The following FBXL17 variants were observed in gnomAD, a reference collection of about 807,000 sequenced individuals.
FBXL17 encodes the protein F-box/LRR-repeat protein 17.
A neutral mutation model predicts 66.2 loss-of-function variants in FBXL17; 22 were observed. The observed-to-expected ratio is 0.33, with a 90% CI of 0.24 to 0.47. The LOEUF (loss-of-function observed/expected upper bound fraction) is 0.47. Ranked by LOEUF, FBXL17 falls within the 20% of genes least tolerant of loss-of-function variation. The pLI, the probability that FBXL17 is intolerant of heterozygous loss-of-function variation, is 1.00. For missense variants in FBXL17, 878 were observed against 948.2 expected (o/e 0.93, Z 0.97); for synonymous variants, 474 against 400.5 (o/e 1.18, Z -2.19).
intron 4 of FBXL17, among the ~76,000 whole-genome samples, chr5:108,249,836 G>C (rs548067557): frequency 1.3e-5 from 2 of 152,186 alleles, no homozygotes; most frequent in African/African-American, 2.4e-5. Flanking sequence ...TGCACACTAG[G>C]AAAGTCCTGC....
intron 4 of FBXL17, among the ~76,000 whole-genome samples, chr5:108,272,703 G>A (rs1446850933): frequency 4.6e-5 from 7 of 151,904 alleles, no homozygotes; most frequent in Non-Finnish European, 1.0e-4. Context: ...CCAATAAAAC[G>A]GTTTCTCATT....
At chr5:107,925,059 C>G (rs1364130099) in intron 7 of FBXL17, among the ~76,000 whole-genome samples, 2 of 152,066 alleles carry the variant, frequency 1.3e-5, no homozygotes, top group Non-Finnish European at 2.9e-5. Context: ...AGTGCTTCAG[C>G]AACTAAAAAA....
chr5:107,958,828 A>ACATCCCC (rs1751772803), intron 7 of FBXL17, among the ~76,000 whole-genome samples: 1 of 152,234 alleles, frequency 6.6e-6, no homozygotes, highest in Non-Finnish European at 1.5e-5. Context: ...ATTCGAAATT[A>ACATCCCC]AATGGAAAAT....
chr5:107,963,061 A>C (rs546344567), intron 7 of FBXL17, among the ~76,000 whole-genome samples: 7 of 152,304 alleles, frequency 4.6e-5, no homozygotes, highest in African/African-American at 1.7e-4. Flanking sequence ...TGGAGGTGCT[A>C]ATCTCATACT....
At chr5:107,922,731 A>G (rs1221210812) in intron 7 of FBXL17, among the ~76,000 whole-genome samples, 1 of 152,202 alleles carries the variant, frequency 6.6e-6, no homozygotes, top group African/African-American at 2.4e-5. Context: ...GTCAAATAAG[A>G]AACCAGAGTG....
At chr5:108,257,983 T>G (rs1425399810) in intron 4 of FBXL17, among the ~76,000 whole-genome samples, 1 of 152,096 alleles carries the variant, frequency 6.6e-6, no homozygotes, top group African/African-American at 2.4e-5. Flanking sequence ...TTAAGGATGC[T>G]GAGGCAGGCG....
At chr5:107,908,259 G>A (rs1749828782) in intron 7 of FBXL17, among the ~76,000 whole-genome samples, 2 of 152,266 alleles carry the variant, frequency 1.3e-5, no homozygotes, top group South Asian at 4.1e-4. Flanking sequence ...TAATTCTGAT[G>A]TATTTTGGTT....
intron 4 of FBXL17, among the ~76,000 whole-genome samples, chr5:108,265,226 T>C (rs752044329): frequency 1.3e-5 from 2 of 152,154 alleles, no homozygotes; most frequent in East Asian, 3.8e-4. Context: ...AAATACTTTA[T>C]CAGTCATTCT....
chr5:108,220,961 T>A (rs1454696230), intron 5 of FBXL17, among the ~76,000 whole-genome samples: 2 of 152,204 alleles, frequency 1.3e-5, no homozygotes, highest in Non-Finnish European at 2.9e-5. Flanking sequence ...ACCTCAAAAA[T>A]TCTTATCTTT....
At position 107,861,686 on chromosome 5, in the gene FBXL17, G is replaced by A. The variant is rs770163016; in HGVS notation, c.*34C>T. 1 of 1,525,588 alleles carries A rather than the reference G, an allele frequency of 6.6e-7. No individual in the cohort carries two copies. Among genetic ancestry groups the A allele is most frequent in the Non-Finnish European group, 8.8e-7 (1 of 1,131,662 alleles). The allele number at this position is 1,525,588 out of a possible 1,614,324, so 94.5% of individuals were successfully genotyped here. ...ATGTACAATTCTCCTCTGCTCTGCT[G>A]AATGATCCCAGTGGACTAGGCGAGG... On this transcript the variant is annotated 3_prime_UTR_variant, in exon 9 of 9. Transcript: ENST00000542267.
At chr5:108,157,695 A>C (rs566103108) in intron 6 of FBXL17, among the ~76,000 whole-genome samples, 1 of 152,128 alleles carries the variant, frequency 6.6e-6, no homozygotes, top group African/African-American at 2.4e-5. Flanking sequence ...ATTTTAAGAA[A>C]TATAAATACT....
chr5:108,037,423 T>C (rs1399085327), intron 6 of FBXL17, among the ~76,000 whole-genome samples: 1 of 152,216 alleles, frequency 6.6e-6, no homozygotes, highest in African/African-American at 2.4e-5. Flanking sequence ...TGCTAGCGAT[T>C]ATTTTCAAAG....
intron 5 of FBXL17, among the ~76,000 whole-genome samples, chr5:108,219,649 A>C (rs1034609714): frequency 2.0e-5 from 3 of 151,984 alleles, no homozygotes; most frequent in African/African-American, 7.3e-5. Context: ...ATCCCATTAC[A>C]CTCCAGCCTG....
intron 7 of FBXL17, among the ~76,000 whole-genome samples, chr5:107,887,546 G>C (rs1749014956): frequency 6.6e-6 from 1 of 152,158 alleles, no homozygotes. Context: ...GTAATACTTC[G>C]ATAAAAGCCA....
At chr5:108,185,585 G>A (rs1466054831) in intron 6 of FBXL17, among the ~76,000 whole-genome samples, 1 of 152,052 alleles carries the variant, frequency 6.6e-6, no homozygotes, top group African/African-American at 2.4e-5. Context: ...TAATATAGGC[G>A]CAGTGGTGTA....
chr5:107,978,608 A>G (rs35478096), intron 7 of FBXL17, among the ~76,000 whole-genome samples: 16,193 of 152,090 alleles, frequency 0.11, 962 homozygotes, highest in Non-Finnish European at 0.13. Context: ...TTGTGATTCA[A>G]TCTGTCTATG....
At chr5:108,290,605 G>A (rs763385961) in intron 4 of FBXL17, among the ~76,000 whole-genome samples, 2 of 151,580 alleles carry the variant, frequency 1.3e-5, no homozygotes, top group African/African-American at 4.9e-5. Flanking sequence ...AATTTTGGGG[G>A]ACTTTCTATT....
intron 4 of FBXL17, among the ~76,000 whole-genome samples, chr5:108,242,966 AG>A (rs1347168139): frequency 6.6e-6 from 1 of 152,214 alleles, no homozygotes; most frequent in Non-Finnish European, 1.5e-5. Flanking sequence ...TTTGTCAACA[AG>A]GGCTTTGGAA....
At chr5:108,002,783 AACTT>A (rs974713946) in intron 7 of FBXL17, among the ~76,000 whole-genome samples, 1 of 152,206 alleles carries the variant, frequency 6.6e-6, no homozygotes, top group African/African-American at 2.4e-5. Flanking sequence ...AATCTCAAGA[AACTT>A]ACTAAGAGAA....
Sources: gnomAD v4.1 joint callset for allele counts (sites outside exome capture counted in the v4.1 genomes callset) on GRCh38, gnomAD v4.1.1 for gene constraint, MANE v1.5 for transcripts, NCBI Gene and HGNC (gene_info 2026-07-23, HGNC 2026-07-21) for gene names.